KHDRBS3: variants seen among roughly 807,000 people sequenced by gnomAD.
The protein encoded by KHDRBS3 is KH RNA binding domain containing, signal transduction associated 3.
KHDRBS3 carries 23 observed loss-of-function variants against 45.6 expected under a neutral mutation model. That is an observed-to-expected ratio of 0.50 (90% CI 0.36 to 0.72). KHDRBS3 has a LOEUF of 0.72. Among genes scored for constraint, KHDRBS3 ranks in the 30% least tolerant of loss-of-function variants. The probability of loss-of-function intolerance (pLI) is 0.00; values close to 1 mark genes in which losing one functional copy is unlikely to be tolerated. For missense variants in KHDRBS3, 352 were observed against 424.8 expected, an observed-to-expected ratio of 0.83 and a Z score of 1.51; for synonymous variants, 162 against 156.5, an observed-to-expected ratio of 1.04 and a Z score of -0.26.
chr8:135,655,780 CAG>C (rs1490364345), intron 4 of KHDRBS3, among the ~76,000 whole-genome samples: 1 of 152,076 alleles, frequency 6.6e-6, no homozygotes, highest in African/African-American at 2.4e-5. Context: ...TTTTAAATAA[CAG>C]AGTTTTGTTT....
chr8:135,496,171 A>C (rs1399652278), intron 1 of KHDRBS3, among the ~76,000 whole-genome samples: 2 of 111,274 alleles, frequency 1.8e-5, no homozygotes, highest in African/African-American at 2.9e-5. Context: ...AAAACTGTAG[A>C]GAGAGGGAAA....
At chr8:135,635,953 C>T (rs575194680) in intron 7 of KHDRBS3, among the ~76,000 whole-genome samples, 4 of 152,324 alleles carry the variant, frequency 2.6e-5, no homozygotes, top group Admixed American at 2.0e-4. Context: ...CATCAGTTTA[C>T]AGTAGCAAAT....
chr8:135,645,604 G>A (rs915887638), intron 8 of KHDRBS3, among the ~76,000 whole-genome samples: 3 of 152,198 alleles, frequency 2.0e-5, no homozygotes, highest in African/African-American at 7.2e-5. Context: ...AGCCAAGGAG[G>A]AGATACAGGG....
intron 6 of KHDRBS3, among the ~76,000 whole-genome samples, chr8:135,594,936 C>T (rs1828908360): frequency 6.6e-6 from 1 of 152,142 alleles, no homozygotes; most frequent in Admixed American, 6.5e-5. Flanking sequence ...TGTAAGAATC[C>T]TGTAGGCAAA....
chr8:135,543,326 T>A (rs1263287315), intron 3 of KHDRBS3, among the ~76,000 whole-genome samples: 1 of 152,210 alleles, frequency 6.6e-6, no homozygotes, highest in Non-Finnish European at 1.5e-5. Flanking sequence ...CTAAAAATAG[T>A]GTTATTTTTA....
chr8:135,634,163 G>A (rs1830716980), intron 7 of KHDRBS3, among the ~76,000 whole-genome samples: 1 of 152,208 alleles, frequency 6.6e-6, no homozygotes, highest in South Asian at 2.1e-4. Flanking sequence ...TAAATGGGGA[G>A]CAGGAATGAT....
chr8:135,589,350 T>TAG lies in KHDRBS3; in HGVS notation c.807+7279_807+7280dup, dbSNP rs547062211. On this transcript the variant is annotated intron_variant, in intron 6 of 8. Coordinates refer to ENST00000355849, the MANE Select transcript of KHDRBS3 (RefSeq NM_006558.3). ...AAGGAAGAGAGCTAGTTGAAAATTC[T>TAG]AGAAGGATCTTAGTCTCTTCAGGAT... Among the ~76,000 whole-genome samples the TAG allele has an allele frequency of 2.8e-3, 425 of 152,328 alleles. 1 individual carries two copies. The highest frequency in any genetic ancestry group is 8.4e-3 in the Admixed American group (129 of 15,306).
intron 7 of KHDRBS3, among the ~76,000 whole-genome samples, chr8:135,618,382 G>A (rs9324418): frequency 0.77 from 116,384 of 152,106 alleles, 45,394 homozygotes; most frequent in East Asian, 0.99. Flanking sequence ...GATTTAGGAA[G>A]AAGTTAATAG....
At chr8:135,468,950 C>T (rs897219773) in intron 1 of KHDRBS3, among the ~76,000 whole-genome samples, 1 of 152,114 alleles carries the variant, frequency 6.6e-6, no homozygotes, top group Non-Finnish European at 1.5e-5. Flanking sequence ...TTTATAAACT[C>T]GTGAGGGTAT....
At chr8:135,639,960 TATCTC>T (rs1240125834) in intron 7 of KHDRBS3, among the ~76,000 whole-genome samples, 49 of 152,326 alleles carry the variant, frequency 3.2e-4, no homozygotes, top group African/African-American at 1.1e-3. Flanking sequence ...CACCCAGTGA[TATCTC>T]GGCTGTGGAA....
At chr8:135,632,185 G>A (rs1478741177) in intron 7 of KHDRBS3, among the ~76,000 whole-genome samples, 2 of 152,094 alleles carry the variant, frequency 1.3e-5, no homozygotes, top group Non-Finnish European at 2.9e-5. Flanking sequence ...TGGTTCCCAC[G>A]CTGCTACTGA....
chr8:135,588,059 C>T (rs878946743), intron 6 of KHDRBS3, among the ~76,000 whole-genome samples: 3 of 152,144 alleles, frequency 2.0e-5, no homozygotes, highest in African/African-American at 7.2e-5. Flanking sequence ...AATTCTGACG[C>T]CATTTACCAG....
Position 135,647,245 on chromosome 8 carries a change from G to GGA in KHDRBS3, c.*161_*162insGA. 5.2e-6 allele frequency: 1 copy of GGA among 193,302 alleles called. No individual in the cohort carries two copies. Among genetic ancestry groups the GGA allele is most frequent in the East Asian group, 9.3e-5 (1 of 10,762 alleles). 12.0% of individuals were successfully genotyped at this position (193,302 alleles called of 1,614,324 possible). The stretch of plus-strand genomic sequence containing the variant: ...CTTTGTTGAAACATCAACCTGGGCA[G>GGA]AAAAAAAAAAAAAAAGACATGTAAA... On this transcript the variant is annotated 3_prime_UTR_variant, in exon 9 of 9. Transcript: ENST00000355849.
chr8:135,521,896 T>G (rs1019107557), intron 2 of KHDRBS3, among the ~76,000 whole-genome samples: 12 of 152,238 alleles, frequency 7.9e-5, no homozygotes, highest in Admixed American at 1.3e-4. Context: ...TTGGTTATTA[T>G]AAATTAAATT....
intron 1 of KHDRBS3, among the ~76,000 whole-genome samples, chr8:135,479,272 A>G (rs1822447829): frequency 2.0e-5 from 3 of 152,342 alleles, no homozygotes; most frequent in Non-Finnish European, 2.9e-5. Context: ...TGAAAATCTG[A>G]ATATACTGGT....
At chr8:135,655,182 A>G (rs151175244) in intron 4 of KHDRBS3, among the ~76,000 whole-genome samples, 27 of 152,352 alleles carry the variant, frequency 1.8e-4, no homozygotes, top group Non-Finnish European at 5.9e-5. Context: ...TTAACTTTTT[A>G]GAGGATTCAC....
At position 135,542,535 on chromosome 8, in the gene KHDRBS3, G is replaced by A. The variant is rs16905392; in HGVS notation, c.208-119G>A. On this transcript the variant is annotated intron_variant, in intron 2 of 8. Coordinates refer to ENST00000355849, the MANE Select transcript of KHDRBS3 (RefSeq NM_006558.3). Reference sequence around the variant, plus strand: ...TCATATTTTAATGCATGTAGCAGGAGCTTAAATATTTGCCATTAATCAATG... The same window carrying A: ...TCATATTTTAATGCATGTAGCAGGAACTTAAATATTTGCCATTAATCAATG... The A allele has an allele frequency of 4.0e-3, 2,681 of 673,248 alleles. 44 individuals are homozygous for A. Among genetic ancestry groups the A allele is most frequent in the African/African-American group, 0.037 (2,054 of 55,728 alleles). 41.7% of individuals were successfully genotyped at this position (673,248 alleles called of 1,614,324 possible).
At chr8:135,621,176 T>C (rs777276841) in intron 7 of KHDRBS3, among the ~76,000 whole-genome samples, 13 of 152,152 alleles carry the variant, frequency 8.5e-5, no homozygotes, top group African/African-American at 1.4e-4. Context: ...TCACCTGTTA[T>C]TTTTTAATCT....
intron 5 of KHDRBS3, among the ~76,000 whole-genome samples, chr8:135,562,557 CGGTAACTAATGATAGGT>C (rs1454401785): frequency 5.3e-5 from 8 of 152,186 alleles, no homozygotes; most frequent in South Asian, 2.1e-4. Flanking sequence ...AAATCACATG[CGGTAACTAATGATAGGT>C]GGTAACTAAT....
Sources: allele counts gnomAD v4.1 joint callset (sites outside exome capture counted in the v4.1 genomes callset), GRCh38; gene constraint gnomAD v4.1.1; transcripts MANE v1.5; gene names NCBI Gene and HGNC (gene_info 2026-07-23, HGNC 2026-07-21).